The following THADA variants were observed in gnomAD, a reference collection of about 807,000 sequenced individuals.
THADA encodes tRNA (32-2'-O)-methyltransferase regulator THADA.
A neutral mutation model predicts 219.8 loss-of-function variants in THADA; 213 were observed. That is an observed-to-expected ratio of 0.97 (90% CI 0.87 to 1.09). THADA has a LOEUF of 1.09. THADA is among the 50% of genes least tolerant of loss of function. THADA has a pLI of 0.00. For synonymous variants in THADA, 1,018 were observed against 828.9 expected (o/e 1.23, Z -3.92); for missense variants, 2,956 against 2,311.3 (o/e 1.28, Z -5.72).
chr2:43,511,346 G>A (rs1055976762), intron 22 of THADA, among the ~76,000 whole-genome samples: 1 of 152,044 alleles, frequency 6.6e-6, no homozygotes, highest in Non-Finnish European at 1.5e-5. Context: ...GCCTCCCCTG[G>A]GCCTCCCTGA....
Position 43,551,840 on chromosome 2 carries a change from C to A in THADA, c.2896G>T (p.Val966Phe). ...SYRLSTVVSP[V>F]IQSSSPEGLI... The stretch of plus-strand genomic sequence containing the variant: ...CCTTCAGGGGATGAGCTCTGAATGA[C>A]TGGAGACACCACAGTGGAAAGCCTG... The change falls in exon 19 of 38, where the codon GTC (valine) becomes TTC (phenylalanine). Residue 966 changes from valine (V) to phenylalanine (F), a missense_variant. Physicochemically the swap from Val to Phe is conservative, Grantham distance 50 (BLOSUM62 -1). Coordinates refer to ENST00000405975, the MANE Select transcript of THADA (RefSeq NM_022065.5). The A allele has an allele frequency of 6.2e-7, 1 of 1,613,842 alleles. No individual in the cohort carries two copies. Among genetic ancestry groups the A allele is most frequent in the Non-Finnish European group, 8.5e-7 (1 of 1,179,832 alleles).
chr2:43,309,653 G>A (rs1051885416), intron 31 of THADA, among the ~76,000 whole-genome samples: 1 of 152,104 alleles, frequency 6.6e-6, no homozygotes, highest in African/African-American at 2.4e-5. Flanking sequence ...TCTCCAACCT[G>A]ACAAAAGGCA....
Position 43,570,473 on chromosome 2 carries a change from T to C in THADA, c.2102A>G (p.Tyr701Cys), listed in dbSNP as rs1383186438. 1.9e-6 allele frequency: 3 copies of C among 1,613,262 alleles called. No individual in the cohort carries two copies. The highest frequency in any genetic ancestry group is 2.5e-6 in the Non-Finnish European group (3 of 1,179,636). Residue 701 changes from tyrosine (Y) to cysteine (C), a missense_variant, in exon 14 of 38, where the codon TAT becomes TGT. Transcript: ENST00000405975. ...TTTGGATTTACTCTGCTCCAATTTATAAAGTACCTGAGAACTTTCCTGTAT... is the reference window on the plus strand; with the variant it reads ...TTTGGATTTACTCTGCTCCAATTTACAAAGTACCTGAGAACTTTCCTGTAT... ...CRIQESSQVL[Y>C]KLEQSKSKRE...
At chr2:43,286,235 GGAT>G (rs2104340721) in intron 35 of THADA, among the ~76,000 whole-genome samples, 1 of 152,308 alleles carries the variant, frequency 6.6e-6, no homozygotes, top group South Asian at 2.1e-4. Flanking sequence ...AGGGAGTGGT[GGAT>G]GATAAGGCAG....
intron 22 of THADA, among the ~76,000 whole-genome samples, chr2:43,515,200 A>ATATATT (rs1491510909): frequency 2.1e-4 from 1 of 4,824 alleles, no homozygotes; most frequent in Non-Finnish European, 3.1e-4. Context: ...TATTATATAT[A>ATATATT]ATATATAATA....
intron 29 of THADA, among the ~76,000 whole-genome samples, chr2:43,349,227 T>C (rs1667981111): frequency 6.6e-6 from 1 of 152,086 alleles, no homozygotes; most frequent in African/African-American, 2.4e-5. Flanking sequence ...TTCTTGCCCC[T>C]GAGATGCAAG....
intron 26 of THADA, among the ~76,000 whole-genome samples, chr2:43,438,340 A>G (rs540964532): frequency 6.6e-6 from 1 of 151,534 alleles, no homozygotes; most frequent in South Asian, 2.1e-4. Context: ...CCAAGAGACT[A>G]TTTTATACCC....
At chr2:43,239,578 AAAC>A (rs1320436161) in intron 36 of THADA, among the ~76,000 whole-genome samples, 2 of 152,266 alleles carry the variant, frequency 1.3e-5, no homozygotes, top group African/African-American at 4.8e-5. Context: ...CCAACCTTGA[AAAC>A]TATTTCAGAC....
chr2:43,289,787 G>T (rs1302062245), intron 34 of THADA, among the ~76,000 whole-genome samples: 4 of 151,850 alleles, frequency 2.6e-5, no homozygotes, highest in Non-Finnish European at 4.4e-5. Flanking sequence ...GAGCAGCTGG[G>T]ATTACGGGCG....
chr2:43,501,336 A>T (rs957791100), intron 24 of THADA, among the ~76,000 whole-genome samples: 2 of 136,172 alleles, frequency 1.5e-5, no homozygotes, highest in East Asian at 3.9e-4. Flanking sequence ...AAAAAAAAAA[A>T]AAAGAGAGAC....
intron 16 of THADA, among the ~76,000 whole-genome samples, chr2:43,558,618 G>A (rs1472363037): frequency 6.6e-6 from 1 of 152,104 alleles, no homozygotes; most frequent in African/African-American, 2.4e-5. Context: ...CATGCTGGAT[G>A]CTTCCTGCGC....
intron 36 of THADA, among the ~76,000 whole-genome samples, chr2:43,237,522 C>T (rs1668171531): frequency 6.6e-6 from 1 of 151,676 alleles, no homozygotes; most frequent in Non-Finnish European, 1.5e-5. Flanking sequence ...CTCAGCCTCC[C>T]TGAGTAGCTG....
chr2:43,248,214 G>C (rs11686749), intron 36 of THADA, among the ~76,000 whole-genome samples: 9 of 126,746 alleles, frequency 7.1e-5, no homozygotes, highest in Admixed American at 3.2e-4. Context: ...GAGAGAGAGA[G>C]ACAGAGAGAG....
chr2:43,446,411 G>C (rs1328446657), intron 26 of THADA, among the ~76,000 whole-genome samples: 1 of 152,136 alleles, frequency 6.6e-6, no homozygotes, highest in Non-Finnish European at 1.5e-5. Context: ...ACAAAGCATG[G>C]CAGCTTCTGG....
At chr2:43,395,122 C>T (rs919121376) in intron 29 of THADA, among the ~76,000 whole-genome samples, 3 of 152,202 alleles carry the variant, frequency 2.0e-5, no homozygotes, top group African/African-American at 4.8e-5. Context: ...ATTTGCACAA[C>T]TGGTGAGAGA....
At chr2:43,241,070 C>T (rs201560008) in intron 36 of THADA, among the ~76,000 whole-genome samples, 1 of 152,122 alleles carries the variant, frequency 6.6e-6, no homozygotes, top group African/African-American at 2.4e-5. Context: ...TCACCGGGCC[C>T]AGGTGGACCC....
At chr2:43,296,153 C>T (rs957493197) in intron 31 of THADA, among the ~76,000 whole-genome samples, 4 of 151,772 alleles carry the variant, frequency 2.6e-5, no homozygotes, top group South Asian at 4.2e-4. Context: ...CTCCTGACCT[C>T]GTGATCTGCT....
At chr2:43,548,452 T>C (rs973022008) in intron 20 of THADA, among the ~76,000 whole-genome samples, 5 of 152,152 alleles carry the variant, frequency 3.3e-5, no homozygotes, top group African/African-American at 9.7e-5. Flanking sequence ...TTTTGTTTGT[T>C]TGTGCCCTGC....
intron 4 of THADA, among the ~76,000 whole-genome samples, chr2:43,587,547 C>T (rs1574387248): frequency 6.6e-6 from 1 of 152,268 alleles, no homozygotes; most frequent in Non-Finnish European, 1.5e-5. Flanking sequence ...ACTCTTCCTT[C>T]AAATATACCC....
Sources: gnomAD v4.1 joint callset for allele counts (sites outside exome capture counted in the v4.1 genomes callset) on GRCh38, gnomAD v4.1.1 for gene constraint, MANE v1.5 for transcripts, NCBI Gene and HGNC (gene_info 2026-07-23, HGNC 2026-07-21) for gene names.